The following CCSER1 variants were observed in gnomAD, a reference collection of about 807,000 sequenced individuals.
The protein encoded by CCSER1 is serine-rich coiled-coil domain-containing protein 1.
CCSER1 carries 41 observed loss-of-function variants against 82.0 expected under a neutral mutation model. The ratio of observed to expected loss-of-function variants is 0.50; its 90% CI spans 0.39 to 0.65. CCSER1 has a LOEUF of 0.65. Among genes scored for constraint, CCSER1 ranks in the 30% least tolerant of loss-of-function variants. The pLI is 0.00. For missense variants in CCSER1, 1,119 were observed against 1,064.2 expected, an observed-to-expected ratio of 1.05 and a Z score of -0.72; for synonymous variants, 414 against 383.9, an observed-to-expected ratio of 1.08 and a Z score of -0.92.
chr4:90,224,368 A>G (rs778596151), intron 1 of CCSER1, among the ~76,000 whole-genome samples: 27 of 152,222 alleles, frequency 1.8e-4, no homozygotes, highest in Non-Finnish European at 3.7e-4. Flanking sequence ...AGATATTGTT[A>G]TAAAACAGCA....
chr4:91,255,072 A>C (rs898190733), intron 10 of CCSER1, among the ~76,000 whole-genome samples: 3 of 152,162 alleles, frequency 2.0e-5, no homozygotes, highest in Non-Finnish European at 4.4e-5. Flanking sequence ...GTCAAGCAGA[A>C]AGATAAAATA....
chr4:90,324,673 A>C (rs1412168828), intron 3 of CCSER1, among the ~76,000 whole-genome samples: 1 of 151,540 alleles, frequency 6.6e-6, no homozygotes, highest in African/African-American at 2.4e-5. Context: ...TCTTTAGTTT[A>C]ATTAGATCCC....
chr4:90,380,764 G>A (rs1220709731), intron 3 of CCSER1, among the ~76,000 whole-genome samples: 1 of 152,110 alleles, frequency 6.6e-6, no homozygotes, highest in Non-Finnish European at 1.5e-5. Flanking sequence ...CAATTTCTAG[G>A]TGAGATTTAG....
At chr4:90,221,368 C>T (rs1166575372) in intron 1 of CCSER1, among the ~76,000 whole-genome samples, 3 of 152,066 alleles carry the variant, frequency 2.0e-5, no homozygotes, top group South Asian at 2.1e-4. Flanking sequence ...GACTAGATAG[C>T]TTGCTATAAT....
At chr4:91,439,329 A>G (rs1161673003) in intron 10 of CCSER1, among the ~76,000 whole-genome samples, 1 of 152,172 alleles carries the variant, frequency 6.6e-6, no homozygotes, top group Non-Finnish European at 1.5e-5. Flanking sequence ...CCAATATTCA[A>G]CATTCTTAAA....
intron 1 of CCSER1, among the ~76,000 whole-genome samples, chr4:90,277,242 C>A (rs1728002638): frequency 6.6e-6 from 1 of 152,084 alleles, no homozygotes; most frequent in Non-Finnish European, 1.5e-5. Flanking sequence ...CTGCCCAGAG[C>A]AATTTATGGA....
intron 10 of CCSER1, among the ~76,000 whole-genome samples, chr4:91,100,370 C>CTATTATTAT (rs144104351): frequency 2.6e-5 from 4 of 151,192 alleles, no homozygotes; most frequent in African/African-American, 9.7e-5. Context: ...GCAACAGTTA[C>CTATTATTAT]TATTATTATT....
At chr4:90,968,383 T>C (rs1734772428) in intron 9 of CCSER1, among the ~76,000 whole-genome samples, 1 of 152,034 alleles carries the variant, frequency 6.6e-6, no homozygotes, top group Admixed American at 6.5e-5. Flanking sequence ...TAGCAGGTGC[T>C]CCATGTGTGC....
chr4:91,085,940 TC>T lies in CCSER1; in HGVS notation c.2173-9del, dbSNP rs1452917480. The T allele has an allele frequency of 4.7e-6, 7 of 1,484,546 alleles. No homozygotes were observed. The highest frequency in any genetic ancestry group is 9.2e-7 in the Non-Finnish European group (1 of 1,087,298). The allele number at this position is 1,484,546 out of a possible 1,614,324, so 92.0% of individuals were successfully genotyped here. A position where few individuals can be genotyped will look rare whatever the true frequency, so the allele number is the denominator to read the frequency against. ...TGCCAATAATAATATACTTTGCTTTTCTTTTTCAGGGTTTAAACTTGAAAAG... is the reference window on the plus strand; with the variant it reads ...TGCCAATAATAATATACTTTGCTTTTTTTTTCAGGGTTTAAACTTGAAAAG... On this transcript the variant is annotated splice_polypyrimidine_tract_variant and intron_variant, in intron 9 of 10. Transcript: ENST00000509176.
At chr4:90,846,656 C>T (rs1763265719) in intron 8 of CCSER1, among the ~76,000 whole-genome samples, 1 of 152,134 alleles carries the variant, frequency 6.6e-6, no homozygotes, top group African/African-American at 2.4e-5. Context: ...TGCTATTGAA[C>T]ACCAGAATTT....
At chr4:90,727,357 A>T in intron 7 of CCSER1, 1 of 453,272 alleles carries the variant, frequency 2.2e-6, no homozygotes, top group Admixed American at 2.4e-5. Flanking sequence ...AGATCATTAA[A>T]GTGAAACATT....
At chr4:90,751,010 CTT>C (rs551302278) in intron 7 of CCSER1, among the ~76,000 whole-genome samples, 1 of 152,124 alleles carries the variant, frequency 6.6e-6, no homozygotes, top group East Asian at 1.9e-4. Flanking sequence ...CTGAAAATAA[CTT>C]TTTTTAACTC....
intron 5 of CCSER1, among the ~76,000 whole-genome samples, chr4:90,514,347 C>G (rs1031448490): frequency 2.6e-5 from 4 of 152,102 alleles, no homozygotes; most frequent in African/African-American, 7.2e-5. Flanking sequence ...AATCATACAT[C>G]ATTTTCTGTG....
chr4:91,074,827 T>A (rs1419446435), intron 9 of CCSER1, among the ~76,000 whole-genome samples: 1 of 152,214 alleles, frequency 6.6e-6, no homozygotes, highest in African/African-American at 2.4e-5. Context: ...TTCAGTTAAA[T>A]CATGGCTACT....
chr4:90,491,551 A>G (rs1029747456), intron 5 of CCSER1, among the ~76,000 whole-genome samples: 28 of 152,088 alleles, frequency 1.8e-4, no homozygotes, highest in African/African-American at 6.5e-4. Context: ...TTCCAACACT[A>G]TGTTGAATAG....
intron 8 of CCSER1, among the ~76,000 whole-genome samples, chr4:90,875,360 C>T (rs2150048266): frequency 6.6e-6 from 1 of 152,146 alleles, no homozygotes; most frequent in East Asian, 1.9e-4. Flanking sequence ...TTTAGAATAT[C>T]CATAAATAAT....
intron 10 of CCSER1, among the ~76,000 whole-genome samples, chr4:91,091,448 T>C (rs1441797310): frequency 6.6e-6 from 1 of 152,234 alleles, no homozygotes; most frequent in African/African-American, 2.4e-5. Context: ...CTTAACGTGT[T>C]GTCCTACCTC....
At chr4:91,197,137 T>G (rs962274353) in intron 10 of CCSER1, among the ~76,000 whole-genome samples, 5 of 152,192 alleles carry the variant, frequency 3.3e-5, no homozygotes, top group Admixed American at 6.5e-5. Context: ...TCAGCAATAT[T>G]GAAAAATCTG....
At chr4:91,503,988 T>C (rs1264005667) in intron 10 of CCSER1, among the ~76,000 whole-genome samples, 1 of 152,222 alleles carries the variant, frequency 6.6e-6, no homozygotes, top group Non-Finnish European at 1.5e-5. Flanking sequence ...TCTTATATTC[T>C]TTTATTACTG....
Sources: gnomAD v4.1 joint callset for allele counts (sites outside exome capture counted in the v4.1 genomes callset) on GRCh38, gnomAD v4.1.1 for gene constraint, MANE v1.5 for transcripts, NCBI Gene and HGNC (gene_info 2026-07-23, HGNC 2026-07-21) for gene names.